The following SYNGR2 variants were observed in gnomAD, a reference collection of about 807,000 sequenced individuals.
SYNGR2 encodes synaptogyrin-2.
Under a neutral mutation model 18.7 loss-of-function variants are expected in SYNGR2, and 11 were observed. The observed-to-expected ratio is 0.59, with a 90% CI of 0.37 to 0.97. SYNGR2 has a LOEUF of 0.97. Among genes scored for constraint, SYNGR2 ranks in the 50% least tolerant of loss-of-function variants. SYNGR2 has a pLI of 0.01. For missense variants in SYNGR2, 253 were observed against 300.7 expected (o/e 0.84, Z 1.17); for synonymous variants, 127 against 131.0 (o/e 0.97, Z 0.21).
intron 1 of SYNGR2, chr17:78,169,265 T>TGGGG (rs1199152774): frequency 2.9e-5 from 2 of 69,056 alleles, no homozygotes; most frequent in African/African-American, 3.6e-4. Flanking sequence ...TTTGTGTGTG[T>TGGGG]GTGTGTGTGG....
At position 78,172,703 on chromosome 17, in the gene SYNGR2, T is replaced by A. The variant is rs896991790; in HGVS notation, c.*767T>A. The A allele has an allele frequency of 2.6e-5, 4 of 152,322 alleles. No individual in the cohort carries two copies. Among genetic ancestry groups the A allele is most frequent in the African/African-American group, 9.7e-5 (4 of 41,444 alleles). The allele number at this position is 152,322 out of a possible 1,614,324, so 9.4% of individuals were successfully genotyped here. ...CCTGGGATGCTGTTTGGAGACGGAA[T>A]AAATGTTTTCTCATTCAGTCTCCAG... On this transcript the variant is annotated 3_prime_UTR_variant, in exon 4 of 4. Coordinates refer to ENST00000225777, the MANE Select transcript of SYNGR2 (RefSeq NM_004710.7).
chr17:78,171,682 G>A lies in SYNGR2; in HGVS notation c.477+33G>A, dbSNP rs755282320. On this transcript the variant is annotated intron_variant, in intron 3 of 3. Transcript: ENST00000225777. This position sits in a 1 kb window ranked among gnomAD's most constrained non-coding sequence, Gnocchi z 6.6. ...GGCCAGGGGCCGGTTCTTGGGTCAA[G>A]GGTGGTGGAGGGTGGGGTCCCCCAC... 6.2e-7 allele frequency: 1 copy of A among 1,611,820 alleles called. No homozygotes were observed. Among genetic ancestry groups the A allele is most frequent in the Non-Finnish European group, 8.5e-7 (1 of 1,178,350 alleles).
chr17:78,171,314 C>G lies in SYNGR2; in HGVS notation c.338-196C>G. 1.4e-6 allele frequency: 1 copy of G among 717,420 alleles called. No homozygotes were observed. The highest frequency in any genetic ancestry group is 2.2e-6 in the Non-Finnish European group (1 of 445,422). The allele number at this position is 717,420 out of a possible 1,614,324, so 44.4% of individuals were successfully genotyped here. ...CTGCCCCTTTTGTCCCCTAGGCTGT[C>G]TGCTGTGGCCCACCCTGCCAAGGCC... On this transcript the variant is annotated intron_variant, in intron 2 of 3. Coordinates refer to ENST00000225777, the MANE Select transcript of SYNGR2 (RefSeq NM_004710.7). The surrounding 1 kb of genome is among the most constrained non-coding windows in gnomAD (Gnocchi z 6.6).
Position 78,171,388 on chromosome 17 carries a change from TC to T in SYNGR2, c.338-118del. ...GGCTCCCGGCCCGGCTTCCAAGTCC[TC>T]CCCTCCATAGTGTGGAGGCTCCCCC... On this transcript the variant is annotated intron_variant, in intron 2 of 3. Coordinates refer to ENST00000225777, the MANE Select transcript of SYNGR2 (RefSeq NM_004710.7). The surrounding 1 kb of genome is among the most constrained non-coding windows in gnomAD (Gnocchi z 6.6). The T allele has an allele frequency of 7.9e-7, 1 of 1,270,028 alleles. No homozygotes were observed. Among genetic ancestry groups the T allele is most frequent in the Non-Finnish European group, 1.1e-6 (1 of 929,962 alleles). 78.7% of individuals were successfully genotyped at this position (1,270,028 alleles called of 1,614,324 possible). A position where few individuals can be genotyped will look rare whatever the true frequency, so the allele number is the denominator to read the frequency against.
Position 78,169,179 on chromosome 17 carries a change from G to T in SYNGR2, c.99+464G>T, listed in dbSNP as rs187708731. Reference sequence around the variant, plus strand: ...CCCACTCGGGGCAGGCCACGGGTCCGCCTTCCCACCCGAAGTTGAGGGACC... The same window carrying T: ...CCCACTCGGGGCAGGCCACGGGTCCTCCTTCCCACCCGAAGTTGAGGGACC... On this transcript the variant is annotated intron_variant, in intron 1 of 3. Transcript: ENST00000225777. 5.8e-3 allele frequency: 875 copies of T among 151,490 alleles called. 16 individuals carry two copies. The highest frequency in any genetic ancestry group is 0.045 in the East Asian group (229 of 5,124). 9.4% of individuals were successfully genotyped at this position (151,490 alleles called of 1,614,324 possible).
Position 78,171,627 on chromosome 17 carries a change from G to C in SYNGR2, c.455G>C (p.Ser152Thr). The part of the protein sequence containing the change: ...ADSVRAAITF[S>T]FFSIFSWGVL... ...TCTGTGAGGGCAGCCATCACCTTCAGCTTCTTTTCCATCTTCTCCTGGGTA... is the reference window on the plus strand; with the variant it reads ...TCTGTGAGGGCAGCCATCACCTTCACCTTCTTTTCCATCTTCTCCTGGGTA... Residue 152 changes from serine to threonine, a missense_variant, in exon 3 of 4, where the codon AGC becomes ACC. Transcript: ENST00000225777. The surrounding 1 kb of genome is among the most constrained non-coding windows in gnomAD (Gnocchi z 6.6). 1 of 1,591,776 alleles carries C rather than the reference G, an allele frequency of 6.3e-7. No homozygotes were observed. Among genetic ancestry groups the C allele is most frequent in the Non-Finnish European group, 8.6e-7 (1 of 1,165,616 alleles).
In SYNGR2 at chr17:78,171,145, G is replaced by T; in HGVS notation, c.337+91G>T. 8.0e-7 allele frequency: 1 copy of T among 1,253,300 alleles called. No individual in the cohort carries two copies. 77.6% of individuals were successfully genotyped at this position (1,253,300 alleles called of 1,614,324 possible). A position where few individuals can be genotyped will look rare whatever the true frequency, so the allele number is the denominator to read the frequency against. ...GAGGGTCTCGGCCTCTCTGGGAGGG[G>T]CAGGGAGCAGCTCACTCCTCCAGGG... On this transcript the variant is annotated intron_variant, in intron 2 of 3. Transcript: ENST00000225777. This position sits in a 1 kb window ranked among gnomAD's most constrained non-coding sequence, Gnocchi z 6.6.
chr17:78,170,757 C>A, intron 1 of SYNGR2, 60 bp from the exon 2 acceptor site: 1 of 1,459,496 alleles, frequency 6.9e-7, no homozygotes, highest in Non-Finnish European at 9.5e-7. Context: ...CCATCAGGGT[C>A]CCCGCTGTGT....
In SYNGR2 at chr17:78,172,042, C is replaced by A. The variant is rs1186233650; in HGVS notation, c.*106C>A. On this transcript the variant is annotated 3_prime_UTR_variant, in exon 4 of 4. Coordinates refer to ENST00000225777, the MANE Select transcript of SYNGR2 (RefSeq NM_004710.7). ...AGCCCCTCTCTTTCACCTGTTCCAT[C>A]CTGTGCAGCTGACACACAGCTAAGG... 6.4e-7 allele frequency: 1 copy of A among 1,565,744 alleles called. No individual in the cohort carries two copies. Among genetic ancestry groups the A allele is most frequent in the Admixed American group, 1.8e-5 (1 of 55,520 alleles).
chr17:78,172,093 C>T lies in SYNGR2; in HGVS notation c.*157C>T. ...AGCCTCATAGCCTGGCGGGGGCTGGCAGAGCCACACCCCAAGTGCCTGTGC... is the reference window on the plus strand; with the variant it reads ...AGCCTCATAGCCTGGCGGGGGCTGGTAGAGCCACACCCCAAGTGCCTGTGC... On this transcript the variant is annotated 3_prime_UTR_variant, in exon 4 of 4. Coordinates refer to ENST00000225777, the MANE Select transcript of SYNGR2 (RefSeq NM_004710.7). 1 of 1,457,722 alleles carries T rather than the reference C, an allele frequency of 6.9e-7. No individual in the cohort carries two copies. The highest frequency in any genetic ancestry group is 1.4e-5 in the South Asian group (1 of 73,220). 90.3% of individuals were successfully genotyped at this position (1,457,722 alleles called of 1,614,324 possible).
chr17:78,171,061 G>T lies in SYNGR2; in HGVS notation c.337+7G>T. 1.2e-6 allele frequency: 2 copies of T among 1,611,200 alleles called. No individual in the cohort carries two copies. Among genetic ancestry groups the T allele is most frequent in the African/African-American group, 1.3e-5 (1 of 74,962 alleles). On this transcript the variant is annotated splice_region_variant and intron_variant, in intron 2 of 3. Transcript: ENST00000225777. The surrounding 1 kb of genome is among the most constrained non-coding windows in gnomAD (Gnocchi z 6.6). ...GGTGACCTGCTCTTCTCAGGTATCT[G>T]CCTGTGGCACCTCCATTTGATCTTG...
In SYNGR2 at chr17:78,172,036, T is replaced by C. The variant is rs780493351; in HGVS notation, c.*100T>C. On this transcript the variant is annotated 3_prime_UTR_variant, in exon 4 of 4. Transcript: ENST00000225777. Reference sequence around the variant, plus strand: ...ACTGCCAGCCCCTCTCTTTCACCTGTTCCATCCTGTGCAGCTGACACACAG... The same window carrying C: ...ACTGCCAGCCCCTCTCTTTCACCTGCTCCATCCTGTGCAGCTGACACACAG... 2.5e-6 allele frequency: 4 copies of C among 1,575,858 alleles called. No individual in the cohort carries two copies. The East Asian group carries it at 9.1e-5, about 36-fold the overall frequency.
At chr17:78,170,640 G>T (rs756163706) in intron 1 of SYNGR2, 177 bp from the exon 2 acceptor site, 1 of 660,274 alleles carries the variant, frequency 1.5e-6, no homozygotes, top group Non-Finnish European at 2.7e-6. Flanking sequence ...AGCCGAGATC[G>T]CACTATTGCA....
In SYNGR2 at chr17:78,168,600, G is replaced by C. The variant is rs2075635072; in HGVS notation, c.-17G>C. On this transcript the variant is annotated 5_prime_UTR_variant, in exon 1 of 4. Coordinates refer to ENST00000225777, the MANE Select transcript of SYNGR2 (RefSeq NM_004710.7). ...TCCTCTGCGTTCCGCGGCGGCGGCA[G>C]CGGCGGCGACGGCGACATGGAGAGC... 2 of 1,190,476 alleles carry C rather than the reference G, an allele frequency of 1.7e-6. No individual in the cohort carries two copies. Among genetic ancestry groups the C allele is most frequent in the Admixed American group, 8.9e-5 (2 of 22,502 alleles). 73.7% of individuals were successfully genotyped at this position (1,190,476 alleles called of 1,614,324 possible). A position where few individuals can be genotyped will look rare whatever the true frequency, so the allele number is the denominator to read the frequency against.
chr17:78,171,865 A>T lies in SYNGR2; in HGVS notation c.604A>T (p.Asn202Tyr). ...CTCCTACCCAGGTGCATCTGTGGAC[A>T]ACTACCAACAGCCACCCTTCACCCA... The part of the protein sequence containing the change: ...YASYPGASVD[N>Y]YQQPPFTQNA... The change falls in exon 4 of 4, where the codon AAC (asparagine) becomes TAC (tyrosine). Residue 202 changes from asparagine to tyrosine, a missense_variant. Coordinates refer to ENST00000225777, the MANE Select transcript of SYNGR2 (RefSeq NM_004710.7). The surrounding 1 kb of genome is among the most constrained non-coding windows in gnomAD (Gnocchi z 6.6). The T allele has an allele frequency of 6.2e-7, 1 of 1,613,998 alleles. No homozygotes were observed. The highest frequency in any genetic ancestry group is 2.2e-5 in the East Asian group (1 of 44,870).
At chr17:78,170,328 C>T (rs9916177) in intron 1 of SYNGR2, 1,882 of 157,134 alleles carry the variant, frequency 0.012, 47 homozygotes, top group African/African-American at 0.041. Context: ...AGATTCTCAT[C>T]CTGGGGTGCA....
In SYNGR2 at chr17:78,171,285, G is replaced by C; in HGVS notation, c.338-225G>C. On this transcript the variant is annotated intron_variant, in intron 2 of 3. Coordinates refer to ENST00000225777, the MANE Select transcript of SYNGR2 (RefSeq NM_004710.7). This position sits in a 1 kb window ranked among gnomAD's most constrained non-coding sequence, Gnocchi z 6.6. ...CAGCACACCCGAGCAGATGGGCTTT[G>C]CCTCTGCCCCTTTTGTCCCCTAGGC... 1 of 668,802 alleles carries C rather than the reference G, an allele frequency of 1.5e-6. No homozygotes were observed. Among genetic ancestry groups the C allele is most frequent in the South Asian group, 1.9e-5 (1 of 51,338 alleles). 41.4% of individuals were successfully genotyped at this position (668,802 alleles called of 1,614,324 possible). A position where few individuals can be genotyped will look rare whatever the true frequency, so the allele number is the denominator to read the frequency against.
rs1361994311 is a variant in SYNGR2, at chr17:78,171,605, G to T, written c.433G>T (p.Val145Leu). ...GGACGTGCTGGTGGGGGCCGACTCT[G>T]TGAGGGCAGCCATCACCTTCAGCTT... ...PKDVLVGADS[V>L]RAAITFSFFS... The change falls in exon 3 of 4, where the codon GTG (valine) becomes TTG (leucine). Residue 145 changes from valine (V) to leucine (L), a missense_variant. Transcript: ENST00000225777. The surrounding 1 kb of genome is among the most constrained non-coding windows in gnomAD (Gnocchi z 6.6). The T allele has an allele frequency of 6.4e-7, 1 of 1,573,206 alleles. No individual in the cohort carries two copies. The highest frequency in any genetic ancestry group is 1.4e-5 in the African/African-American group (1 of 73,904).
rs1303354489 is a variant in SYNGR2, at chr17:78,171,273, C to T, written c.337+219C>T. ...TGAGTGGACCTGCAGCACACCCGAGCAGATGGGCTTTGCCTCTGCCCCTTT... is the reference window on the plus strand; with the variant it reads ...TGAGTGGACCTGCAGCACACCCGAGTAGATGGGCTTTGCCTCTGCCCCTTT... On this transcript the variant is annotated intron_variant, in intron 2 of 3. Coordinates refer to ENST00000225777, the MANE Select transcript of SYNGR2 (RefSeq NM_004710.7). The surrounding 1 kb of genome is among the most constrained non-coding windows in gnomAD (Gnocchi z 6.6). The T allele has an allele frequency of 6.0e-5, 40 of 662,378 alleles. 1 individual carries two copies. In the East Asian group the frequency reaches 1.1e-3, roughly 18 times the overall value. The allele number at this position is 662,378 out of a possible 1,614,324, so 41.0% of individuals were successfully genotyped here. A position where few individuals can be genotyped will look rare whatever the true frequency, so the allele number is the denominator to read the frequency against.
Sources: gnomAD v4.1 joint callset for allele counts on GRCh38, gnomAD v4.1.1 for gene constraint, Gnocchi (gnomAD v3.1) non-coding constraint, MANE v1.5 for transcripts, NCBI Gene and HGNC (gene_info 2026-07-23, HGNC 2026-07-21) for gene names.